The following ATAD2 variants were observed in gnomAD, a reference collection of about 807,000 sequenced individuals.
The protein encoded by ATAD2 is ATPase family AAA domain-containing protein 2.
Under a neutral mutation model 168.9 loss-of-function variants are expected in ATAD2, and 62 were observed. The observed-to-expected ratio is 0.37, with a 90% CI of 0.30 to 0.45. ATAD2 has a LOEUF of 0.45. Among genes scored for constraint, ATAD2 ranks in the 20% least tolerant of loss-of-function variants. The pLI is 1.00. For missense variants in ATAD2, 1,419 were observed against 1,667.8 expected (o/e 0.85, Z 2.60); for synonymous variants, 613 against 571.6 (o/e 1.07, Z -1.03).
At chr8:123,376,497 G>C (rs1006788195) in intron 2 of ATAD2, among the ~76,000 whole-genome samples, 5 of 151,982 alleles carry the variant, frequency 3.3e-5, no homozygotes, top group African/African-American at 1.2e-4. Flanking sequence ...GGGAGGCAGA[G>C]GTTGCAGTGA....
chr8:123,346,022 G>A, intron 18 of ATAD2, 64 bp downstream of exon 18: 2 of 1,260,580 alleles, frequency 1.6e-6, no homozygotes, highest in Non-Finnish European at 2.1e-6. Context: ...CAAAAAAATG[G>A]GGCAATTTTA....
Position 123,337,157 on chromosome 8 carries a change from G to A in ATAD2, c.3051+468C>T, listed in dbSNP as rs1320579985. 2.6e-5 allele frequency among the ~76,000 whole-genome samples: 4 copies of A among 151,798 alleles called. No homozygotes were observed. In the East Asian group the frequency reaches 7.7e-4, roughly 29 times the overall value. ...GTGGGTGGATTACCTGAGGTCAGGAGTTTGAGACCAGCCTGGCCAACATGG... is the reference window on the plus strand; with the variant it reads ...GTGGGTGGATTACCTGAGGTCAGGAATTTGAGACCAGCCTGGCCAACATGG... On this transcript the variant is annotated intron_variant, in intron 21 of 27. Coordinates refer to ENST00000287394, the MANE Select transcript of ATAD2 (RefSeq NM_014109.4).
At chr8:123,381,041 T>C (rs1829480169) in intron 1 of ATAD2, 1 of 173,304 alleles carries the variant, frequency 5.8e-6, no homozygotes, top group Non-Finnish European at 1.2e-5. Context: ...TAGAAAGACC[T>C]AAGAAAGATA....
intron 27 of ATAD2, 34 bp from the exon 28 acceptor site, chr8:123,321,209 T>G: frequency 6.4e-7 from 1 of 1,559,380 alleles, no homozygotes. Context: ...AATAGTAAGT[T>G]TCAATATGGA....
In ATAD2 at chr8:123,396,179, G is replaced by A. The variant is rs924007962; in HGVS notation, c.171+8C>T. On this transcript the variant is annotated splice_region_variant and intron_variant, in intron 1 of 27. Transcript: ENST00000287394. ...CGCCCTGGGAGCCCGCCTCAGGCCC[G>A]TACTCACGCCCGCTTTGGCTGTGGT... is the stretch of plus-strand genomic sequence containing the variant. 7 of 1,563,596 alleles carry A rather than the reference G, an allele frequency of 4.5e-6. No individual in the cohort carries two copies. The African/African-American group carries it at 8.1e-5, about 18-fold the overall frequency.
chr8:123,373,232 G>T (rs563475090), intron 2 of ATAD2, among the ~76,000 whole-genome samples: 1 of 151,370 alleles, frequency 6.6e-6, no homozygotes, highest in South Asian at 2.1e-4. Context: ...GGGCGGGGGG[G>T]GTCTCGCTTT....
chr8:123,396,082 TG>T, intron 1 of ATAD2, 104 bp downstream of exon 1: 1 of 1,282,562 alleles, frequency 7.8e-7, no homozygotes. Context: ...CCCCGACAAC[TG>T]TCACCCTGAC....
At chr8:123,394,785 T>C (rs1286819519) in intron 1 of ATAD2, among the ~76,000 whole-genome samples, 2 of 152,166 alleles carry the variant, frequency 1.3e-5, no homozygotes, top group African/African-American at 4.8e-5. Flanking sequence ...AAGTAACCAA[T>C]TCCAGTGCAG....
intron 2 of ATAD2, among the ~76,000 whole-genome samples, chr8:123,373,673 C>A (rs1432379876): frequency 6.6e-6 from 1 of 151,482 alleles, no homozygotes; most frequent in African/African-American, 2.4e-5. Flanking sequence ...CCTGTAGTCC[C>A]AGATACTCAG....
At chr8:123,396,147 C>A (rs1191543235) in intron 1 of ATAD2, 40 bp downstream of exon 1, 4 of 1,518,392 alleles carry the variant, frequency 2.6e-6, no homozygotes, top group Non-Finnish European at 3.5e-6. Flanking sequence ...GCAGTCCCCC[C>A]GGGAACCGCC....
intron 19 of ATAD2, among the ~76,000 whole-genome samples, chr8:123,340,818 T>C (rs1290415556): frequency 1.3e-5 from 2 of 152,174 alleles, no homozygotes; most frequent in Non-Finnish European, 2.9e-5. Flanking sequence ...TTACCGTTAA[T>C]AGGTACAGAG....
chr8:123,413,230 C>A (rs866892976), intron 1 of ATAD2, among the ~76,000 whole-genome samples: 8 of 149,312 alleles, frequency 5.4e-5, no homozygotes, highest in African/African-American at 7.4e-5. Context: ...GAGCGCCCCC[C>A]CCCCCCCAAC....
Position 123,322,999 on chromosome 8 carries a change from G to A in ATAD2, c.4070C>T (p.Ala1357Val). 4 of 1,613,184 alleles carry A rather than the reference G, an allele frequency of 2.5e-6. No individual in the cohort carries two copies. The highest frequency in any genetic ancestry group is 3.4e-6 in the Non-Finnish European group (4 of 1,179,290). The change falls in exon 27 of 28, where the codon GCA becomes GTA. Residue 1357 changes from alanine (A) to valine (V), a missense_variant. This residue lies in a region of ATAD2 where 303 missense variants were observed against 304.3 expected (regional missense o/e 1.00). Coordinates refer to ENST00000287394, the MANE Select transcript of ATAD2 (RefSeq NM_014109.4). ...CCGATAAATACATTGGCTGATTACTGCATACAAATTTTCCAACTGAAATAT... is the reference window on the plus strand; with the variant it reads ...CCGATAAATACATTGGCTGATTACTACATACAAATTTTCCAACTGAAATAT... The part of the protein sequence containing the change: ...YNIFQLENLY[A>V]VISQCIYRHR...
chr8:123,325,823 C>CT lies in ATAD2; in HGVS notation c.4002+69dup, dbSNP rs1303839437. 3.2e-6 allele frequency: 5 copies of CT among 1,554,940 alleles called. No individual in the cohort carries two copies. In the African/African-American group the frequency reaches 5.5e-5, roughly 17 times the overall value. ...TAAATCCCATGTAGCCAGAATGCTA[C>CT]TAGTCACAAGCCAGTGTTTGGGGAT... On this transcript the variant is annotated intron_variant, in intron 26 of 27. Transcript: ENST00000287394.
chr8:123,383,910 C>T (rs896866844), intron 1 of ATAD2, among the ~76,000 whole-genome samples: 1 of 151,284 alleles, frequency 6.6e-6, no homozygotes, highest in African/African-American at 2.4e-5. Flanking sequence ...GGTGAAATCA[C>T]GTCTTTACTA....
At chr8:123,414,198 T>C (rs1158141858) in intron 1 of ATAD2, among the ~76,000 whole-genome samples, 1 of 151,158 alleles carries the variant, frequency 6.6e-6, no homozygotes, top group Non-Finnish European at 1.5e-5. Flanking sequence ...TATTATATGC[T>C]ACCAACTATT....
intron 24 of ATAD2, among the ~76,000 whole-genome samples, chr8:123,333,181 G>A (rs1373122759): frequency 8.0e-6 from 1 of 125,026 alleles, no homozygotes; most frequent in Non-Finnish European, 1.6e-5. Context: ...GAGGTCAGGA[G>A]ATCGAGACCA....
At position 123,346,292 on chromosome 8, in the gene ATAD2, T is replaced by G; in HGVS notation, c.2346-20A>C. ...GCATTTCTGAAAGAGAAATGATTAA[T>G]AAGCTATGTTTTAGAAAAAACAGTT... On this transcript the variant is annotated intron_variant, in intron 17 of 27. Coordinates refer to ENST00000287394, the MANE Select transcript of ATAD2 (RefSeq NM_014109.4). 6.5e-7 allele frequency: 1 copy of G among 1,549,370 alleles called. No homozygotes were observed. Among genetic ancestry groups the G allele is most frequent in the East Asian group, 2.3e-5 (1 of 43,096 alleles).
Position 123,359,589 on chromosome 8 carries a change from T to C in ATAD2, c.1254A>G (p.Gln418=). The C allele has an allele frequency of 6.2e-7, 1 of 1,610,282 alleles. No individual in the cohort carries two copies. Among genetic ancestry groups the C allele is most frequent in the African/African-American group, 1.3e-5 (1 of 74,924 alleles). Residue 418 remains glutamine, a synonymous_variant, in exon 10 of 28, where the codon CAA becomes CAG. Coordinates refer to ENST00000287394, the MANE Select transcript of ATAD2 (RefSeq NM_014109.4). ...GASLADVDPM[Q]LDSSVRFDSV... ...ACAGAGTACTCACTGAAGAATCTAGTTGCATTGGATCAACATCGGCAAGGC... is the reference window on the plus strand; with the variant it reads ...ACAGAGTACTCACTGAAGAATCTAGCTGCATTGGATCAACATCGGCAAGGC...
Sources: allele counts gnomAD v4.1 joint callset (sites outside exome capture counted in the v4.1 genomes callset), GRCh38; gene constraint gnomAD v4.1.1; regional missense constraint gnomAD v4.1.1; transcripts MANE v1.5; gene names NCBI Gene and HGNC (gene_info 2026-07-23, HGNC 2026-07-21).